The following ZNF827 variants were observed in gnomAD, a reference collection of about 807,000 sequenced individuals.
The protein encoded by ZNF827 is zinc finger protein 827.
A neutral mutation model predicts 102.4 loss-of-function variants in ZNF827; 13 were observed. That is an observed-to-expected ratio of 0.13 (90% CI 0.08 to 0.20). ZNF827 has a LOEUF of 0.20. ZNF827 is among the 10% of genes least tolerant of loss of function. The pLI, the probability that ZNF827 is intolerant of heterozygous loss-of-function variation, is 1.00. For synonymous variants in ZNF827, 523 were observed against 536.2 expected, an observed-to-expected ratio of 0.98 and a Z score of 0.34; for missense variants, 1,103 against 1,344.4, an observed-to-expected ratio of 0.82 and a Z score of 2.81.
chr4:145,832,536 C>T (rs1321641353), intron 7 of ZNF827: 3 of 152,150 alleles, frequency 2.0e-5, no homozygotes, highest in African/African-American at 7.2e-5. Flanking sequence ...GTTAGAACTG[C>T]AGATTCAATC....
At chr4:145,864,420 C>CAAAAAAAAAAAAAAAAAAAAAAAAAAAA (rs34745619) in intron 5 of ZNF827, among the ~76,000 whole-genome samples, 1 of 60,806 alleles carries the variant, frequency 1.6e-5, no homozygotes, top group Non-Finnish European at 2.9e-5. Context: ...CTTGTCTCTA[C>CAAAAAAAAAAAAAAAAAAAAAAAAAAAA]AAAAAAAAAA....
rs1734478242 is a variant in ZNF827 at position 145,761,421 on chromosome 4, G to A, written c.*195C>T. 8.5e-6 allele frequency: 11 copies of A among 1,289,714 alleles called. No individual in the cohort carries two copies. The highest frequency in any genetic ancestry group is 3.7e-5 in the South Asian group (3 of 81,038). 79.9% of individuals were successfully genotyped at this position (1,289,714 alleles called of 1,614,324 possible). A position where few individuals can be genotyped will look rare whatever the true frequency, so the allele number is the denominator to read the frequency against. On this transcript the variant is annotated 3_prime_UTR_variant, in exon 15 of 15. Coordinates refer to ENST00000508784, the MANE Select transcript of ZNF827 (RefSeq NM_001306215.2). This position sits in a 1 kb window ranked among gnomAD's most constrained non-coding sequence, Gnocchi z 6.8. ...TGTTGGCGGTCTTGGACAGGTAGCC[G>A]CACTGGTCGCACTTGTAGTGGTTGC...
At chr4:145,875,522 G>A (rs959848036) in intron 4 of ZNF827, among the ~76,000 whole-genome samples, 6 of 152,282 alleles carry the variant, frequency 3.9e-5, no homozygotes, top group Non-Finnish European at 7.4e-5. Flanking sequence ...GGGAAGGGTG[G>A]GTTTTGTCTG....
chr4:145,849,659 G>T, intron 5 of ZNF827, 98 bp from the exon 6 acceptor site: 2 of 1,555,552 alleles, frequency 1.3e-6, no homozygotes, highest in Non-Finnish European at 8.7e-7. Flanking sequence ...AAAGATTGTG[G>T]CAGGGAAGAG....
chr4:145,779,361 C>T lies in ZNF827; in HGVS notation c.2521+13G>A, dbSNP rs1447945149. 6.2e-7 allele frequency: 1 copy of T among 1,613,384 alleles called. No individual in the cohort carries two copies. Among genetic ancestry groups the T allele is most frequent in the Non-Finnish European group, 8.5e-7 (1 of 1,179,654 alleles). ...AGCATAGAGGGCTGACAGCCCAGGC[C>T]CTACTCACTCACCTGTGTGCAGCGA... On this transcript the variant is annotated intron_variant, in intron 9 of 14. Transcript: ENST00000508784.
Position 145,902,756 on chromosome 4 carries a change from A to G in ZNF827, c.503T>C (p.Val168Ala). 2 of 1,614,086 alleles carry G rather than the reference A, an allele frequency of 1.2e-6. No individual in the cohort carries two copies. The highest frequency in any genetic ancestry group is 1.7e-6 in the Non-Finnish European group (2 of 1,180,008). Reference protein sequence around the residue: ...PPSHHAQQLSVLARKLAEKQE... With the variant: ...PPSHHAQQLSALARKLAEKQE... ...CTTCTCGGCCAACTTCCTGGCCAGA[A>G]CACTGAGCTGCTGGGCGTGGTGGGA... The change falls in exon 2 of 15, where the codon GTT becomes GCT. Residue 168 changes from valine to alanine, a missense_variant. Physicochemically the swap from Val to Ala is moderately conservative, Grantham distance 64 (BLOSUM62 0). Transcript: ENST00000508784. The surrounding 1 kb of genome is among the most constrained non-coding windows in gnomAD (Gnocchi z 4.3).
intron 7 of ZNF827, among the ~76,000 whole-genome samples, chr4:145,834,466 G>A (rs1226026043): frequency 2.6e-5 from 4 of 152,112 alleles, no homozygotes; most frequent in Non-Finnish European, 4.4e-5. Context: ...CTCAGCCTCT[G>A]CTCCTCCACC....
chr4:145,871,574 T>C (rs1748683616), intron 4 of ZNF827, among the ~76,000 whole-genome samples: 1 of 152,214 alleles, frequency 6.6e-6, no homozygotes, highest in South Asian at 2.1e-4. Flanking sequence ...TTACACTGAT[T>C]GTGTCCATCT....
In ZNF827 at chr4:145,902,875, C is replaced by T. The variant is rs780714227; in HGVS notation, c.384G>A (p.Glu128=). ...CAGCATCGAGTTTGAGGGAACCAGC[C>T]TCCAGCAGCCGCCTCAAATTGCTGC... is the stretch of plus-strand genomic sequence containing the variant. ...PLSSNLRRLL[E]AGSLKLDAAA... Residue 128 remains glutamate (E), a synonymous_variant, in exon 2 of 15, where the codon GAG becomes GAA. Coordinates refer to ENST00000508784, the MANE Select transcript of ZNF827 (RefSeq NM_001306215.2). The surrounding 1 kb of genome is among the most constrained non-coding windows in gnomAD (Gnocchi z 4.3). The T allele has an allele frequency of 1.2e-6, 2 of 1,614,152 alleles. No homozygotes were observed. The highest frequency in any genetic ancestry group is 3.3e-5 in the Admixed American group (2 of 60,018).
Position 145,938,775 on chromosome 4 carries a change from C to T in ZNF827, c.-368G>A, listed in dbSNP as rs1309114989. 2 of 219,266 alleles carry T rather than the reference C, an allele frequency of 9.1e-6. No individual in the cohort carries two copies. Among genetic ancestry groups the T allele is most frequent in the Non-Finnish European group, 1.8e-5 (2 of 109,740 alleles). 13.6% of individuals were successfully genotyped at this position (219,266 alleles called of 1,614,324 possible). ...TATAAATAAATGAGTGCCGGTGCGGCGGTGTCTATGGCCGCGCTCTGTGTC... is the reference window on the plus strand; with the variant it reads ...TATAAATAAATGAGTGCCGGTGCGGTGGTGTCTATGGCCGCGCTCTGTGTC... On this transcript the variant is annotated 5_prime_UTR_variant, in exon 1 of 15. Transcript: ENST00000508784.
intron 5 of ZNF827, among the ~76,000 whole-genome samples, chr4:145,853,890 G>C (rs747945325): frequency 4.6e-5 from 7 of 152,030 alleles, no homozygotes; most frequent in African/African-American, 7.2e-5. Context: ...ATCTGAGCCT[G>C]GGAGGTCGAG....
chr4:145,861,012 G>A (rs1372629310), intron 5 of ZNF827, among the ~76,000 whole-genome samples: 3 of 152,200 alleles, frequency 2.0e-5, no homozygotes, highest in Non-Finnish European at 2.9e-5. Context: ...GCCCCACCAC[G>A]CAGTAGAGCC....
chr4:145,827,956 A>G (rs1017226628), intron 7 of ZNF827, among the ~76,000 whole-genome samples: 1 of 152,220 alleles, frequency 6.6e-6, no homozygotes, highest in Non-Finnish European at 1.5e-5. Context: ...GGTGACACCC[A>G]GCTTTGCGGT....
intron 1 of ZNF827, among the ~76,000 whole-genome samples, chr4:145,922,905 T>G (rs1442026479): frequency 2.0e-5 from 3 of 152,248 alleles, no homozygotes; most frequent in Non-Finnish European, 4.4e-5. Flanking sequence ...TTGGAAAACA[T>G]GTATCTTACA....
chr4:145,775,639 G>T, intron 10 of ZNF827, 150 bp downstream of exon 10: 1 of 956,164 alleles, frequency 1.0e-6, no homozygotes, highest in Non-Finnish European at 1.6e-6. Context: ...CAACTGCAGG[G>T]CTCAATCTGA....
chr4:145,816,196 G>A lies in ZNF827; in HGVS notation c.2383+7226C>T, dbSNP rs115474912. Among the ~76,000 whole-genome samples, 413 of 152,266 alleles carry A rather than the reference G, an allele frequency of 2.7e-3. 4 individuals carry two copies. Among genetic ancestry groups the A allele is most frequent in the African/African-American group, 9.5e-3 (393 of 41,546 alleles). ...GGATCTGGGTTTTATAAGGGCTTTCGGATGTTACCATTTCCCACAAAGCAC... is the reference window on the plus strand; with the variant it reads ...GGATCTGGGTTTTATAAGGGCTTTCAGATGTTACCATTTCCCACAAAGCAC... On this transcript the variant is annotated intron_variant, in intron 8 of 14. Transcript: ENST00000508784.
At chr4:145,776,428 T>C (rs1286407887) in intron 9 of ZNF827, among the ~76,000 whole-genome samples, 1 of 149,300 alleles carries the variant, frequency 6.7e-6, no homozygotes, top group East Asian at 2.0e-4. Flanking sequence ...ATCACTGCAC[T>C]CCAGCCTGGG....
chr4:145,890,552 C>T (rs1383246531), intron 3 of ZNF827, among the ~76,000 whole-genome samples: 2 of 152,152 alleles, frequency 1.3e-5, no homozygotes, highest in African/African-American at 2.4e-5. Flanking sequence ...TGAGCTGAAA[C>T]CAAGCTTACA....
chr4:145,826,806 G>A lies in ZNF827; in HGVS notation c.2280-3281C>T, dbSNP rs181701970. ...TTGTTGCCCAGGCTGGAGTGCAATG[G>A]CGCAATCTTGGCTCACTGCAACCTC... On this transcript the variant is annotated intron_variant, in intron 7 of 14. Transcript: ENST00000508784. Among the ~76,000 whole-genome samples the A allele has an allele frequency of 2.0e-5, 3 of 152,060 alleles. No homozygotes were observed. In the East Asian group the frequency reaches 5.8e-4, roughly 29 times the overall value.
Sources: allele counts gnomAD v4.1 joint callset (sites outside exome capture counted in the v4.1 genomes callset), GRCh38; gene constraint gnomAD v4.1.1; non-coding constraint Gnocchi (gnomAD v3.1); transcripts MANE v1.5; gene names NCBI Gene and HGNC (gene_info 2026-07-23, HGNC 2026-07-21).